The following ITSN2 variants were observed in gnomAD, a reference collection of about 807,000 sequenced individuals.
ITSN2 encodes intersectin-2.
Under a neutral mutation model 243.7 loss-of-function variants are expected in ITSN2, and 156 were observed. The observed-to-expected ratio is 0.64, with a 90% CI of 0.56 to 0.73. ITSN2 has a LOEUF of 0.73. Ranked by LOEUF, ITSN2 falls within the 30% of genes least tolerant of loss-of-function variation. The pLI is 0.00. For synonymous variants in ITSN2, 703 were observed against 699.9 expected (o/e 1.00, Z -0.07); for missense variants, 1,801 against 1,996.1 (o/e 0.90, Z 1.86).
chr2:24,220,638 C>T, intron 30 of ITSN2: 3 of 1,239,174 alleles, frequency 2.4e-6, no homozygotes, highest in Non-Finnish European at 3.0e-6. Flanking sequence ...CTATCCCCGT[C>T]CTTCCTTGAT....
intron 17 of ITSN2, among the ~76,000 whole-genome samples, chr2:24,276,697 A>G (rs1678053676): frequency 6.6e-6 from 1 of 152,188 alleles, no homozygotes. Context: ...AGCTCCTCCC[A>G]TTCCCATCAG....
At chr2:24,314,854 T>C (rs1683713522) in intron 3 of ITSN2, among the ~76,000 whole-genome samples, 2 of 152,160 alleles carry the variant, frequency 1.3e-5, no homozygotes, top group Non-Finnish European at 2.9e-5. Flanking sequence ...CTGAAAACTT[T>C]CTAGATATAA....
chr2:24,204,256 A>C lies in ITSN2; in HGVS notation c.4925T>G (p.Phe1642Cys). Reference sequence around the variant, plus strand: ...TGAGCGACACTTACCATCTGGTGAAAACTGGTCTCTGTCAAACAGGGTGAG... The same window carrying C: ...TGAGCGACACTTACCATCTGGTGAACACTGGTCTCTGTCAAACAGGGTGAG... The part of the protein sequence containing the change: ...LCLTLFDRDQ[F>C]SPDDFLGRTE... Residue 1642 changes from phenylalanine to cysteine, a missense_variant, in exon 39 of 40, where the codon TTT (phenylalanine) becomes TGT (cysteine). By Grantham distance (205) the Phe-to-Cys change is radical. Transcript: ENST00000355123. The surrounding 1 kb of genome is among the most constrained non-coding windows in gnomAD (Gnocchi z 5.1). 6.2e-7 allele frequency: 1 copy of C among 1,614,044 alleles called. No individual in the cohort carries two copies. The highest frequency in any genetic ancestry group is 8.5e-7 in the Non-Finnish European group (1 of 1,180,010).
chr2:24,248,931 T>C (rs1673758694), intron 25 of ITSN2, 49 bp from the exon 26 acceptor site: 1 of 1,541,126 alleles, frequency 6.5e-7, no homozygotes, highest in Non-Finnish European at 9.0e-7. Flanking sequence ...ACAATCCAAA[T>C]GTAAAAGTAT....
chr2:24,252,578 G>C lies in ITSN2; in HGVS notation c.2954-67C>G, dbSNP rs1674486483. On this transcript the variant is annotated intron_variant, in intron 24 of 39. Transcript: ENST00000355123. ...GATTACAGAAGTGAAAAAGAAATTA[G>C]GTTATTCTCCAAGACATTGTATAAG... 6 of 1,202,334 alleles carry C rather than the reference G, an allele frequency of 5.0e-6. No homozygotes were observed. The Admixed American group carries it at 1.1e-4, about 21-fold the overall frequency. 74.5% of individuals were successfully genotyped at this position (1,202,334 alleles called of 1,614,324 possible).
intron 20 of ITSN2, among the ~76,000 whole-genome samples, 192 bp downstream of exon 20, chr2:24,270,479 G>C (rs887560511): frequency 6.6e-6 from 1 of 152,182 alleles, no homozygotes; most frequent in Non-Finnish European, 1.5e-5. Flanking sequence ...AGCTTCCTTG[G>C]CTAGAACTTA....
chr2:24,291,353 T>C (rs1393476287), intron 15 of ITSN2, among the ~76,000 whole-genome samples: 1 of 152,192 alleles, frequency 6.6e-6, no homozygotes, highest in African/African-American at 2.4e-5. Flanking sequence ...GGTCTCAAAC[T>C]CCTGGCTTCA....
At chr2:24,329,120 G>A (rs1435452393) in intron 1 of ITSN2, among the ~76,000 whole-genome samples, 2 of 152,126 alleles carry the variant, frequency 1.3e-5, no homozygotes, top group African/African-American at 4.8e-5. Flanking sequence ...TGCCACATAG[G>A]GTGTTCAACA....
In ITSN2 at chr2:24,204,941, G is replaced by A; in HGVS notation, c.4762+273C>T. The A allele has an allele frequency of 2.7e-6, 1 of 375,036 alleles. No homozygotes were observed. The highest frequency in any genetic ancestry group is 2.0e-5 in the South Asian group (1 of 49,078). The allele number at this position is 375,036 out of a possible 1,614,324, so 23.2% of individuals were successfully genotyped here. On this transcript the variant is annotated intron_variant, in intron 38 of 39. Transcript: ENST00000355123. The surrounding 1 kb of genome is among the most constrained non-coding windows in gnomAD (Gnocchi z 5.1). Reference sequence around the variant, plus strand: ...GCGGGCAGATCACTTGAGGTCAGGAGTTCGAGACCAGCCTGGCCAACATGG... The same window carrying A: ...GCGGGCAGATCACTTGAGGTCAGGAATTCGAGACCAGCCTGGCCAACATGG...
At chr2:24,301,933 A>C (rs1157284479) in intron 10 of ITSN2, 32 bp downstream of exon 10, 1 of 1,578,924 alleles carries the variant, frequency 6.3e-7, no homozygotes, top group African/African-American at 1.4e-5. Flanking sequence ...AAGTTATCAA[A>C]ACCATAGTTC....
intron 18 of ITSN2, among the ~76,000 whole-genome samples, chr2:24,272,353 T>A (rs1465056226): frequency 6.6e-6 from 1 of 152,094 alleles, no homozygotes; most frequent in African/African-American, 2.4e-5. Context: ...CACTGTCCTA[T>A]CTAATCTTTG....
intron 12 of ITSN2, among the ~76,000 whole-genome samples, chr2:24,299,701 C>T (rs148919732): frequency 5.4e-4 from 82 of 152,216 alleles, no homozygotes; most frequent in African/African-American, 1.9e-3. Context: ...TTCTCTACCA[C>T]GTACCAGTTC....
chr2:24,306,227 G>A (rs1468887883), intron 8 of ITSN2, among the ~76,000 whole-genome samples: 7 of 151,982 alleles, frequency 4.6e-5, no homozygotes, highest in Admixed American at 1.3e-4. Flanking sequence ...TGATCCGCCC[G>A]CCTCAGCCTC....
intron 16 of ITSN2, 45 bp from the exon 17 acceptor site, chr2:24,284,888 A>ATTTTTT (rs138100580): frequency 5.4e-6 from 2 of 370,676 alleles, no homozygotes; most frequent in African/African-American, 4.5e-5. Flanking sequence ...TACGTACAGA[A>ATTTTTT]TTTTTTTTTT....
chr2:24,252,262 TG>T, intron 25 of ITSN2, 82 bp downstream of exon 25: 1 of 993,788 alleles, frequency 1.0e-6, no homozygotes, highest in Non-Finnish European at 1.5e-6. Flanking sequence ...TTAACAAGAA[TG>T]GGTTGATTTT....
chr2:24,245,328 T>C (rs4665676), intron 29 of ITSN2, among the ~76,000 whole-genome samples: 148,979 of 152,340 alleles, frequency 0.98, 72,842 homozygotes, highest in East Asian at 0.99. Flanking sequence ...TGACAAGAAT[T>C]TTGCAACAGT....
intron 20 of ITSN2, among the ~76,000 whole-genome samples, chr2:24,263,980 G>A (rs11893541): frequency 1.2e-3 from 178 of 152,274 alleles, no homozygotes; most frequent in African/African-American, 4.1e-3. Flanking sequence ...GGCTTATGGA[G>A]ATATAATTCA....
At chr2:24,310,725 T>C (rs768456675) in intron 5 of ITSN2, 33 bp from the exon 6 acceptor site, 1 of 1,578,326 alleles carries the variant, frequency 6.3e-7, no homozygotes, top group South Asian at 1.1e-5. Flanking sequence ...TTTCCAGTGC[T>C]AGAAAATCAA....
chr2:24,252,238 A>G lies in ITSN2; in HGVS notation c.3120+107T>C, dbSNP rs1674437174. On this transcript the variant is annotated intron_variant, in intron 25 of 39. Coordinates refer to ENST00000355123, the MANE Select transcript of ITSN2 (RefSeq NM_006277.3). ...ATCAAAACCATAAACATGATCTCTAAGTATAAATCTTGATTAACAAGAATG... is the reference window on the plus strand; with the variant it reads ...ATCAAAACCATAAACATGATCTCTAGGTATAAATCTTGATTAACAAGAATG... The G allele has an allele frequency of 5.0e-5, 40 of 806,934 alleles. 1 individual carries two copies. In the South Asian group the frequency reaches 7.2e-4, roughly 14 times the overall value. The allele number at this position is 806,934 out of a possible 1,614,324, so 50.0% of individuals were successfully genotyped here.
Sources: gnomAD v4.1 joint callset for allele counts (sites outside exome capture counted in the v4.1 genomes callset) on GRCh38, gnomAD v4.1.1 for gene constraint, Gnocchi (gnomAD v3.1) non-coding constraint, MANE v1.5 for transcripts, NCBI Gene and HGNC (gene_info 2026-07-23, HGNC 2026-07-21) for gene names.